AP5Z1: variants seen among roughly 807,000 people sequenced by gnomAD.
The protein encoded by AP5Z1 is AP-5 complex subunit zeta-1.
Under a neutral mutation model 83.0 loss-of-function variants are expected in AP5Z1, and 106 were observed. The ratio of observed to expected loss-of-function variants is 1.28; its 90% CI spans 1.09 to 1.50. The LOEUF (loss-of-function observed/expected upper bound fraction) is 1.50, where lower values mean the gene tolerates loss of function less well. Ranked by LOEUF, AP5Z1 falls within the 40% of genes most tolerant of loss-of-function variation. The pLI, the probability that AP5Z1 is intolerant of heterozygous loss-of-function variation, is 0.00. For missense variants in AP5Z1, 1,565 were observed against 1,094.2 expected (o/e 1.43, Z -6.07); for synonymous variants, 751 against 514.1 (o/e 1.46, Z -6.23).
chr7:4,793,306 AAAAG>A lies in AP5Z1; in HGVS notation c.*1923_*1926del. The A allele has an allele frequency of 6.6e-6, 1 of 152,390 alleles. No homozygotes were observed. The allele number at this position is 152,390 out of a possible 1,614,324, so 9.4% of individuals were successfully genotyped here. A position where few individuals can be genotyped will look rare whatever the true frequency, so the allele number is the denominator to read the frequency against. ...TTAGAATAGTTTTTCAGATTTACAG[AAAAG>A]ATGATAAACCTTAGAAACATTATAT... is the stretch of plus-strand genomic sequence containing the variant. On this transcript the variant is annotated 3_prime_UTR_variant, in exon 17 of 17. Coordinates refer to ENST00000649063, the MANE Select transcript of AP5Z1 (RefSeq NM_014855.3).
chr7:4,784,355 G>A lies in AP5Z1; in HGVS notation c.774G>A (p.Pro258=), dbSNP rs373689894. The change falls in exon 6 of 17, where the codon CCG becomes CCA. Residue 258 remains proline (P), a synonymous_variant. Coordinates refer to ENST00000649063, the MANE Select transcript of AP5Z1 (RefSeq NM_014855.3). ...AWLLHSGPEG[P]GTLDTDDRSE... The stretch of plus-strand genomic sequence containing the variant: ...TGCTGCACAGCGGCCCCGAGGGCCC[G>A]GGCACCCTGGACACAGGTGTGCGGG... 793 of 1,596,796 alleles carry A rather than the reference G, an allele frequency of 5.0e-4. 4 individuals are homozygous for A. The African/African-American group carries it at 9.4e-3, about 19-fold the overall frequency.
chr7:4,786,528 A>G (rs1040260765), intron 10 of AP5Z1, 100 bp downstream of exon 10: 14 of 1,390,806 alleles, frequency 1.0e-5, no homozygotes, highest in South Asian at 1.3e-5. Context: ...CTGGCTGAGC[A>G]TAGAGCCCTG....
At chr7:4,788,098 T>C in intron 11 of AP5Z1, 56 bp from the exon 12 acceptor site, 1 of 1,461,868 alleles carries the variant, frequency 6.8e-7, no homozygotes, top group Non-Finnish European at 9.1e-7. Flanking sequence ...CTGACGGGGG[T>C]GCCCTTGAGT....
Position 4,791,625 on chromosome 7 carries a change from C to T in AP5Z1, c.*240C>T, listed in dbSNP as rs1252452723. ...AGCTGAGCTGAGGGGTGCCATGGAG[C>T]GGCTCTGATTGGAGGCTTGAGGCCC... On this transcript the variant is annotated 3_prime_UTR_variant, in exon 17 of 17. Coordinates refer to ENST00000649063, the MANE Select transcript of AP5Z1 (RefSeq NM_014855.3). 3.2e-5 allele frequency: 19 copies of T among 596,760 alleles called. No individual in the cohort carries two copies. The highest frequency in any genetic ancestry group is 4.5e-4 in the Middle Eastern group (1 of 2,236). The allele number at this position is 596,760 out of a possible 1,614,324, so 37.0% of individuals were successfully genotyped here.
At position 4,787,806 on chromosome 7, in the gene AP5Z1, G is replaced by C. The variant is rs368031940; in HGVS notation, c.1454+30G>C. On this transcript the variant is annotated intron_variant, in intron 11 of 16. Coordinates refer to ENST00000649063, the MANE Select transcript of AP5Z1 (RefSeq NM_014855.3). ...GCCCCTCACCCTCTGCCAGCGCTGC[G>C]TCTCCCAGCCAGCTGGTTCCACACA... The C allele has an allele frequency of 4.2e-4, 634 of 1,508,286 alleles. 3 individuals carry two copies. The Middle Eastern group carries it at 4.5e-3, about 11-fold the overall frequency. 93.4% of individuals were successfully genotyped at this position (1,508,286 alleles called of 1,614,324 possible).
At chr7:4,786,212 G>C (rs773800055) in intron 9 of AP5Z1, 38 bp from the exon 10 acceptor site, 12 of 1,553,878 alleles carry the variant, frequency 7.7e-6, no homozygotes, top group Non-Finnish European at 1.0e-5. Context: ...GCCAGGGCGA[G>C]GTCAAGACGT....
intron 1 of AP5Z1, among the ~76,000 whole-genome samples, chr7:4,776,384 C>T (rs1003237774): frequency 2.6e-5 from 4 of 151,968 alleles, no homozygotes; most frequent in African/African-American, 9.7e-5. Flanking sequence ...GACTCACGGT[C>T]CACCAAACAG....
In AP5Z1 at chr7:4,783,327, C is replaced by A. The variant is rs775332430; in HGVS notation, c.378C>A (p.Asn126Lys). The change falls in exon 4 of 17, where the codon AAC (asparagine) becomes AAA (lysine). Residue 126 changes from asparagine to lysine, a missense_variant. Coordinates refer to ENST00000649063, the MANE Select transcript of AP5Z1 (RefSeq NM_014855.3). Reference sequence around the variant, plus strand: ...TGTTTGATTTGAAGGGTGACAGAAACGAGGAGGTCAGAGCCGTGGGCCAGG... The same window carrying A: ...TGTTTGATTTGAAGGGTGACAGAAAAGAGGAGGTCAGAGCCGTGGGCCAGG... ...ASVLLAQGDRNEEVRAVGQGV... is the reference protein window; with the variant it reads ...ASVLLAQGDRKEEVRAVGQGV... The A allele has an allele frequency of 7.5e-6, 12 of 1,609,002 alleles. No individual in the cohort carries two copies. The South Asian group carries it at 1.3e-4, about 18-fold the overall frequency.
chr7:4,788,033 G>C, intron 11 of AP5Z1, 121 bp from the exon 12 acceptor site: 4 of 1,403,530 alleles, frequency 2.8e-6, no homozygotes, highest in Non-Finnish European at 3.7e-6. Context: ...CCCATGCCAA[G>C]CCCTTCCTGG....
In AP5Z1 at chr7:4,784,228, G is replaced by A. The variant is rs888122759; in HGVS notation, c.647G>A (p.Gly216Glu). Reference protein sequence around the residue: ...RQPGPVTEVDGAVATDFFTVL... With the variant: ...RQPGPVTEVDEAVATDFFTVL... ...CCGGGCCCCGTCACCGAGGTGGACG[G>A]GGCGGTAGCCACAGACTTCTTCACG... Residue 216 changes from glycine (G) to glutamate (E), a missense_variant, in exon 6 of 17, where the codon GGG becomes GAG. Gly to Glu is a moderately conservative substitution (Grantham distance 98, BLOSUM62 -2). Transcript: ENST00000649063. The A allele has an allele frequency of 1.9e-6, 3 of 1,589,230 alleles. No individual in the cohort carries two copies. Among genetic ancestry groups the A allele is most frequent in the Non-Finnish European group, 2.6e-6 (3 of 1,170,040 alleles).
intron 3 of AP5Z1, 123 bp downstream of exon 3, chr7:4,781,877 G>A: frequency 8.4e-7 from 1 of 1,190,948 alleles, no homozygotes; most frequent in Non-Finnish European, 1.1e-6. Context: ...TCTCGGTGCT[G>A]AGTGCCTGGC....
chr7:4,787,619 G>A lies in AP5Z1; in HGVS notation c.1312-15G>A. 1 of 1,548,844 alleles carries A rather than the reference G, an allele frequency of 6.5e-7. No individual in the cohort carries two copies. Among genetic ancestry groups the A allele is most frequent in the Non-Finnish European group, 8.7e-7 (1 of 1,147,240 alleles). Reference sequence around the variant, plus strand: ...AGCTCCGAGCCGTGTCCGAACCGCTGTGCTGTGCCCACAGTTCCTGGCCTG... The same window carrying A: ...AGCTCCGAGCCGTGTCCGAACCGCTATGCTGTGCCCACAGTTCCTGGCCTG... On this transcript the variant is annotated splice_polypyrimidine_tract_variant and intron_variant, in intron 10 of 16. Coordinates refer to ENST00000649063, the MANE Select transcript of AP5Z1 (RefSeq NM_014855.3).
chr7:4,779,159 C>CTATATAACA (rs1781305018), intron 1 of AP5Z1, among the ~76,000 whole-genome samples: 1 of 140,912 alleles, frequency 7.1e-6, no homozygotes, highest in Non-Finnish European at 1.5e-5. Context: ...TATATAACAA[C>CTATATAACA]TATATAACAT....
Position 4,791,476 on chromosome 7 carries a change from C to A in AP5Z1, c.*91C>A. 4.1e-6 allele frequency: 6 copies of A among 1,472,174 alleles called. No individual in the cohort carries two copies. Among genetic ancestry groups the A allele is most frequent in the Non-Finnish European group, 5.4e-6 (6 of 1,103,398 alleles). 91.2% of individuals were successfully genotyped at this position (1,472,174 alleles called of 1,614,324 possible). A position where few individuals can be genotyped will look rare whatever the true frequency, so the allele number is the denominator to read the frequency against. On this transcript the variant is annotated 3_prime_UTR_variant, in exon 17 of 17. Transcript: ENST00000649063. ...AGGCTGATAGGAGCTCAGGAGGGCG[C>A]GGGAGTCCTGGGAGAGGAGGCAAGG...
At chr7:4,788,404 C>G (rs770151018) in intron 12 of AP5Z1, 110 bp downstream of exon 12, 24 of 1,311,170 alleles carry the variant, frequency 1.8e-5, no homozygotes, top group Non-Finnish European at 2.1e-5. Context: ...TGCTTTGTGT[C>G]CCACACAAGG....
intron 1 of AP5Z1, among the ~76,000 whole-genome samples, chr7:4,778,825 A>AT (rs1285882955): frequency 1.4e-5 from 2 of 145,384 alleles, no homozygotes. Context: ...ATGTTATATT[A>AT]TATATCATTA....
intron 10 of AP5Z1, 141 bp from the exon 11 acceptor site, chr7:4,787,488 AAAAAT>A: frequency 7.9e-7 from 1 of 1,262,230 alleles, no homozygotes; most frequent in Non-Finnish European, 1.1e-6. Context: ...CCTGTCTCAA[AAAAAT>A]AAAAAGCGGG....
chr7:4,782,657 G>T (rs1781412505), intron 3 of AP5Z1, among the ~76,000 whole-genome samples: 1 of 152,108 alleles, frequency 6.6e-6, no homozygotes, highest in South Asian at 2.1e-4. Context: ...TCACCTCACA[G>T]ACCTCCTGCA....
Position 4,786,252 on chromosome 7 carries a change from G to T in AP5Z1, c.1135G>T (p.Glu379Ter). 1.2e-6 allele frequency: 2 copies of T among 1,601,760 alleles called. No individual in the cohort carries two copies. The change falls in exon 10 of 17, where the codon GAA (glutamate) becomes TAA (stop). Residue 379 changes from glutamate (E) to a stop codon, truncating the protein, a stop_gained and splice_region_variant. Transcript: ENST00000649063. LOFTEE classifies it high-confidence loss of function. ...PLAHFFLSHG[E>*]AAAVDSEAVY... is the part of the protein sequence containing the mutation. ...CCTGGCGGGCCCTGGTCTTGCAGGG[G>T]AAGCGGCTGCAGTGGACTCGGAAGC...
Sources: allele counts gnomAD v4.1 joint callset (sites outside exome capture counted in the v4.1 genomes callset), GRCh38; gene constraint gnomAD v4.1.1; transcripts MANE v1.5; gene names NCBI Gene and HGNC (gene_info 2026-07-23, HGNC 2026-07-21).